ADGRV1: variants seen among roughly 807,000 people sequenced by gnomAD.
ADGRV1 encodes G-protein coupled receptor 98.
ADGRV1 carries 359 observed loss-of-function variants against 596.2 expected under a neutral mutation model. The ratio of observed to expected loss-of-function variants is 0.60; its 90% CI spans 0.55 to 0.66. The LOEUF is 0.66. Ranked by LOEUF, ADGRV1 falls within the 30% of genes least tolerant of loss-of-function variation. ADGRV1 has a pLI of 0.00. For missense variants in ADGRV1, 7,274 were observed against 7,575.6 expected, an observed-to-expected ratio of 0.96 and a Z score of 1.48; for synonymous variants, 2,681 against 2,679.2, an observed-to-expected ratio of 1.00 and a Z score of -0.02.
intron 84 of ADGRV1, among the ~76,000 whole-genome samples, chr5:90,970,345 G>A (rs1383037594): frequency 6.6e-6 from 1 of 152,174 alleles, no homozygotes; most frequent in Admixed American, 6.5e-5. Flanking sequence ...GCAGACTTAA[G>A]TGTCCCTGTC....
intron 84 of ADGRV1, among the ~76,000 whole-genome samples, chr5:90,973,017 G>A (rs1562024733): frequency 6.6e-6 from 1 of 152,016 alleles, no homozygotes; most frequent in Admixed American, 6.6e-5. Context: ...TAATAAAGGG[G>A]ATATCACCAC....
intron 84 of ADGRV1, among the ~76,000 whole-genome samples, chr5:90,967,305 T>C (rs973739642): frequency 6.6e-6 from 1 of 152,184 alleles, no homozygotes; most frequent in African/African-American, 2.4e-5. Flanking sequence ...CATAGAATTA[T>C]TATTAATATT....
At chr5:90,682,280 C>T (rs1338547866) in intron 27 of ADGRV1, among the ~76,000 whole-genome samples, 2 of 152,188 alleles carry the variant, frequency 1.3e-5, no homozygotes, top group Admixed American at 6.5e-5. Context: ...ATGTGAAGAA[C>T]AGCATACCAG....
intron 83 of ADGRV1, among the ~76,000 whole-genome samples, chr5:90,880,483 C>A (rs1769655732): frequency 6.6e-6 from 1 of 152,120 alleles, no homozygotes; most frequent in Non-Finnish European, 1.5e-5. Flanking sequence ...TAAGAAAGTA[C>A]AGGACATGTT....
chr5:90,618,102 C>T (rs1007248051), intron 3 of ADGRV1, 149 bp downstream of exon 3: 33 of 512,242 alleles, frequency 6.4e-5, no homozygotes, highest in Non-Finnish European at 2.3e-5. Flanking sequence ...CTGACAACCT[C>T]TTCAGCGCTT....
rs1236526327 is a variant in ADGRV1, at chr5:90,720,081, C to T, written c.9481C>T (p.Pro3161Ser). ...AATATCTGCCATATTAGACACGGAA[C>T]CAGAAATGGATGAGTATTTTGTTTG... is the stretch of plus-strand genomic sequence containing the variant. Reference protein sequence around the residue: ...LQISAILDTEPEMDEYFVCTL... With the variant: ...LQISAILDTESEMDEYFVCTL... Residue 3161 changes from proline (P) to serine (S), a missense_variant, in exon 44 of 90, where the codon CCA (proline) becomes TCA (serine). This residue lies in a region of ADGRV1 where 3,643 missense variants were observed against 3,809.2 expected (regional missense o/e 0.96). Transcript: ENST00000405460. 3 of 1,613,510 alleles carry T rather than the reference C, an allele frequency of 1.9e-6. No homozygotes were observed. The highest frequency in any genetic ancestry group is 1.3e-5 in the African/African-American group (1 of 74,908).
Position 90,651,750 on chromosome 5 carries a change from G to A in ADGRV1, c.3416+20G>A. 1 of 1,515,632 alleles carries A rather than the reference G, an allele frequency of 6.6e-7. No homozygotes were observed. Among genetic ancestry groups the A allele is most frequent in the Non-Finnish European group, 9.1e-7 (1 of 1,097,524 alleles). 93.9% of individuals were successfully genotyped at this position (1,515,632 alleles called of 1,614,324 possible). A position where few individuals can be genotyped will look rare whatever the true frequency, so the allele number is the denominator to read the frequency against. The stretch of plus-strand genomic sequence containing the variant: ...ATTTTGGTAAGCATATGTAGATAAG[G>A]CAAGTTTAAAATTGGGTGAAATAAA... On this transcript the variant is annotated intron_variant, in intron 18 of 89. Transcript: ENST00000405460.
At chr5:90,645,450 C>A (rs1022308195) in intron 15 of ADGRV1, among the ~76,000 whole-genome samples, 2 of 152,108 alleles carry the variant, frequency 1.3e-5, no homozygotes, top group Non-Finnish European at 2.9e-5. Context: ...CAGCGTCCAC[C>A]TGGGGATCCA....
Position 91,119,913 on chromosome 5 carries a change from T to A in ADGRV1, c.18432+17573T>A, listed in dbSNP as rs529183143. On this transcript the variant is annotated intron_variant, in intron 87 of 89. Transcript: ENST00000405460. ...GAGACTGCAGCACTTTGGCTTTGCT[T>A]GGCCTTTCGGACCCTTTTGGCAAAG... 7.2e-5 allele frequency among the ~76,000 whole-genome samples: 11 copies of A among 152,374 alleles called. 1 individual carries two copies. In the South Asian group the frequency reaches 2.3e-3, roughly 32 times the overall value.
rs1386431358 is a variant in ADGRV1 at position 90,958,302 on chromosome 5, AAG to A, written c.17857-7111_17857-7110del. On this transcript the variant is annotated intron_variant, in intron 83 of 89. Coordinates refer to ENST00000405460, the MANE Select transcript of ADGRV1 (RefSeq NM_032119.4). ...TTGTCTCAAAAAAAAAAAAAAAAAA[AAG>A]AAAAGAAAAGAAAAAGGGAAAAAGA... 8.1e-3 allele frequency among the ~76,000 whole-genome samples: 1,112 copies of A among 138,032 alleles called. 18 individuals are homozygous for A. Among genetic ancestry groups the A allele is most frequent in the Non-Finnish European group, 0.011 (725 of 65,044 alleles). 90.6% of individuals were successfully genotyped at this position (138,032 alleles called of 152,430 possible).
intron 89 of ADGRV1, among the ~76,000 whole-genome samples, chr5:91,159,254 C>T (rs1796739879): frequency 6.6e-6 from 1 of 152,120 alleles, no homozygotes; most frequent in African/African-American, 2.4e-5. Context: ...AAAATCATCA[C>T]TTCTTTACAA....
intron 84 of ADGRV1, among the ~76,000 whole-genome samples, chr5:90,978,096 A>ACCATCCT: frequency 6.6e-6 from 1 of 151,978 alleles, no homozygotes; most frequent in Non-Finnish European, 1.5e-5. Flanking sequence ...GGAGATCGAG[A>ACCATCCT]CCATCCTGGC....
intron 1 of ADGRV1, among the ~76,000 whole-genome samples, chr5:90,572,889 C>T (rs966142076): frequency 6.6e-6 from 1 of 151,984 alleles, no homozygotes; most frequent in African/African-American, 2.4e-5. Flanking sequence ...GTATTCATGC[C>T]CTTCCTCACC....
intron 1 of ADGRV1, among the ~76,000 whole-genome samples, chr5:90,586,198 C>G (rs74375557): frequency 0.066 from 10,049 of 152,174 alleles, 1,086 homozygotes; most frequent in African/African-American, 0.23. Context: ...TAGCAATTAT[C>G]AAGATTTTGC....
chr5:90,601,270 C>A (rs1189096381), intron 1 of ADGRV1, among the ~76,000 whole-genome samples: 1 of 151,344 alleles, frequency 6.6e-6, no homozygotes, highest in African/African-American at 2.4e-5. Flanking sequence ...AAAACGAATT[C>A]TTGTAAATAA....
rs1752135477 is a variant in ADGRV1 at position 90,728,755 on chromosome 5, A to G, written c.10248A>G (p.Gly3416=). 2 of 1,613,790 alleles carry G rather than the reference A, an allele frequency of 1.2e-6. No individual in the cohort carries two copies. The highest frequency in any genetic ancestry group is 2.7e-5 in the African/African-American group (2 of 74,924). Residue 3416 remains glycine, a synonymous_variant, in exon 49 of 90, where the codon GGA becomes GGG. Transcript: ENST00000405460. ...TGACCGTGGCCTTGTTCAACAAGGG[A>G]GGCTCTGTGTTCTTAGCCATTTCCC... ...GVLTVALFNK[G]GSVFLAISQA...
At chr5:90,995,733 A>C (rs1781358907) in intron 85 of ADGRV1, among the ~76,000 whole-genome samples, 1 of 152,170 alleles carries the variant, frequency 6.6e-6, no homozygotes, top group African/African-American at 2.4e-5. Context: ...TTGTGACCAA[A>C]GTGCTGATAG....
chr5:91,109,874 T>C (rs188703823), intron 87 of ADGRV1, among the ~76,000 whole-genome samples: 1,751 of 152,318 alleles, frequency 0.011, 17 homozygotes, highest in Middle Eastern at 0.027. Flanking sequence ...GCAACAGTGC[T>C]TGGCAGGCCA....
rs576877463 is a variant in ADGRV1, at chr5:90,567,896, C to T, written c.22+8979C>T. 3.9e-4 allele frequency among the ~76,000 whole-genome samples: 59 copies of T among 152,046 alleles called. No homozygotes were observed. The South Asian group carries it at 7.7e-3, about 20-fold the overall frequency. Reference sequence around the variant, plus strand: ...CTGGGATTACAGGCACCTGCCACCACGCCCAGCTAATTTTTGTATTTTTAG... The same window carrying T: ...CTGGGATTACAGGCACCTGCCACCATGCCCAGCTAATTTTTGTATTTTTAG... On this transcript the variant is annotated intron_variant, in intron 1 of 89. Transcript: ENST00000405460.
Sources: allele counts gnomAD v4.1 joint callset (sites outside exome capture counted in the v4.1 genomes callset), GRCh38; gene constraint gnomAD v4.1.1; regional missense constraint gnomAD v4.1.1; transcripts MANE v1.5; gene names NCBI Gene and HGNC (gene_info 2026-07-23, HGNC 2026-07-21).